The following KLHL12 variants were observed in gnomAD, a reference collection of about 807,000 sequenced individuals.
The protein encoded by KLHL12 is kelch-like protein 12.
KLHL12 carries 17 observed loss-of-function variants against 60.8 expected under a neutral mutation model. The ratio of observed to expected loss-of-function variants is 0.28; its 90% confidence interval spans 0.19 to 0.42. The LOEUF is 0.42. Ranked by LOEUF, KLHL12 falls within the 10% of genes least tolerant of loss-of-function variation. The pLI is 1.00. For synonymous variants in KLHL12, 220 were observed against 250.9 expected, an observed-to-expected ratio of 0.88 and a Z score of 1.16; for missense variants, 468 against 722.3, an observed-to-expected ratio of 0.65 and a Z score of 4.04.
intron 3 of KLHL12, 129 bp from the exon 4 acceptor site, chr1:202,918,517 A>G (rs142856517): frequency 1.4e-6 from 1 of 715,540 alleles, no homozygotes; most frequent in East Asian, 2.6e-5. Context: ...TAAGAAACAG[A>G]TTAGAAATTC....
chr1:202,908,094 C>T (rs901311900), intron 6 of KLHL12, among the ~76,000 whole-genome samples: 3 of 152,106 alleles, frequency 2.0e-5, no homozygotes, highest in African/African-American at 7.2e-5. Context: ...TTTTTATACA[C>T]TATACACCTA....
At chr1:202,919,609 T>C in intron 3 of KLHL12, 146 bp downstream of exon 3, 1 of 667,570 alleles carries the variant, frequency 1.5e-6, no homozygotes, top group Non-Finnish European at 2.4e-6. Flanking sequence ...TGATCTCTTA[T>C]TGCTCAATGA....
In KLHL12 at chr1:202,911,101, T is replaced by TAC; in HGVS notation, c.669_670insGT (p.Met224ValfsTer5). The TAC allele has an allele frequency of 6.2e-7, 1 of 1,614,040 alleles. No individual in the cohort carries two copies. The highest frequency in any genetic ancestry group is 8.5e-7 in the Non-Finnish European group (1 of 1,179,920). On this transcript the variant is annotated frameshift_variant, in exon 5 of 12. Transcript: ENST00000367261. LOFTEE classifies it high-confidence loss of function. ...ATATACCTGGGGGTTAGTAGGGGCA[T>TAC]CCGCACATACTGTAGCAGGTTAGGC...
chr1:202,899,473 A>G (rs953538099), intron 6 of KLHL12, among the ~76,000 whole-genome samples: 12 of 152,120 alleles, frequency 7.9e-5, no homozygotes, highest in African/African-American at 2.9e-4. Context: ...TGTACTTGCC[A>G]AATAAAGTGG....
rs575551138 is a variant in KLHL12 at position 202,901,267 on chromosome 1, T to C, written c.833-4307A>G. 7.9e-5 allele frequency among the ~76,000 whole-genome samples: 12 copies of C among 152,164 alleles called. No homozygotes were observed. In the South Asian group the frequency reaches 2.5e-3, roughly 32 times the overall value. ...TGTTGGTGTGATGTATAAAGGAGTT[T>C]GTTTTGTTCTGTTTAAAAGACAAGG... On this transcript the variant is annotated intron_variant, in intron 6 of 11. Coordinates refer to ENST00000367261, the MANE Select transcript of KLHL12 (RefSeq NM_021633.4).
intron 1 of KLHL12, among the ~76,000 whole-genome samples, chr1:202,926,882 T>G (rs2102467072): frequency 6.6e-6 from 1 of 152,192 alleles, no homozygotes; most frequent in South Asian, 2.1e-4. Context: ...CACCGCCAGG[T>G]GGAGGTATCG....
intron 2 of KLHL12, among the ~76,000 whole-genome samples, chr1:202,922,129 C>T (rs568789703): frequency 6.6e-6 from 1 of 152,248 alleles, no homozygotes; most frequent in African/African-American, 2.4e-5. Context: ...GAAACAATTT[C>T]ACTATGTAAG....
intron 4 of KLHL12, chr1:202,911,708 C>G (rs1481581615): frequency 8.8e-6 from 5 of 567,216 alleles, no homozygotes; most frequent in Non-Finnish European, 1.6e-5. Flanking sequence ...GAAGCAGGAG[C>G]TTCTCTAACA....
At chr1:202,900,360 A>G (rs1182660897) in intron 6 of KLHL12, among the ~76,000 whole-genome samples, 2 of 151,664 alleles carry the variant, frequency 1.3e-5, no homozygotes, top group East Asian at 3.9e-4. Context: ...TTTGGGTAAC[A>G]TGGTGAGACT....
intron 4 of KLHL12, among the ~76,000 whole-genome samples, chr1:202,916,880 G>A (rs1340931929): frequency 6.6e-6 from 1 of 151,778 alleles, no homozygotes; most frequent in Non-Finnish European, 1.5e-5. Flanking sequence ...AGGATGAGGT[G>A]GGAGAGCTGC....
At chr1:202,904,414 TC>T (rs938215466) in intron 6 of KLHL12, among the ~76,000 whole-genome samples, 3 of 152,226 alleles carry the variant, frequency 2.0e-5, no homozygotes, top group African/African-American at 7.2e-5. Context: ...TGTCATTTCT[TC>T]CACTATTTTG....
At chr1:202,897,254 A>C (rs1016015425) in intron 6 of KLHL12, among the ~76,000 whole-genome samples, 6 of 81,044 alleles carry the variant, frequency 7.4e-5, no homozygotes, top group Admixed American at 1.8e-4. Context: ...TTTTTTTTGG[A>C]GACAGAGTTT....
At chr1:202,918,746 C>T (rs1660598264) in intron 3 of KLHL12, among the ~76,000 whole-genome samples, 1 of 152,166 alleles carries the variant, frequency 6.6e-6, no homozygotes, top group Non-Finnish European at 1.5e-5. Context: ...TTCTACTCTA[C>T]ATGAAAACTT....
In KLHL12 at chr1:202,911,249, G is replaced by T. The variant is rs757637307; in HGVS notation, c.568-46C>A. The T allele has an allele frequency of 2.5e-6, 4 of 1,598,748 alleles. No individual in the cohort carries two copies. The South Asian group carries it at 4.4e-5, about 18-fold the overall frequency. On this transcript the variant is annotated intron_variant, in intron 4 of 11. Transcript: ENST00000367261. ...ACCGTGGATCCTACTTTTCCAATTA[G>T]CTCACCATCTCAAAACGTAACCACG...
chr1:202,903,315 C>A (rs1348818032), intron 6 of KLHL12, among the ~76,000 whole-genome samples: 1 of 149,494 alleles, frequency 6.7e-6, no homozygotes. Context: ...CTCTGGTAGG[C>A]AAAAAATTAT....
intron 2 of KLHL12, 142 bp downstream of exon 2, chr1:202,924,826 G>A: frequency 1.1e-6 from 1 of 873,466 alleles, no homozygotes; most frequent in South Asian, 1.8e-5. Context: ...AGTCATCTAA[G>A]TGGTAGATCT....
At chr1:202,925,506 C>T (rs1279345047) in intron 1 of KLHL12, among the ~76,000 whole-genome samples, 1 of 152,148 alleles carries the variant, frequency 6.6e-6, no homozygotes, top group South Asian at 2.1e-4. Flanking sequence ...TAAATCTTGA[C>T]AAGGTTCTTG....
chr1:202,897,243 T>C (rs1659868383), intron 6 of KLHL12, among the ~76,000 whole-genome samples: 1 of 146,544 alleles, frequency 6.8e-6, no homozygotes, highest in Non-Finnish European at 1.5e-5. Flanking sequence ...TTTTTTTTTT[T>C]TTTTTTTTGG....
chr1:202,898,906 T>C (rs563139853), intron 6 of KLHL12, among the ~76,000 whole-genome samples: 1 of 151,208 alleles, frequency 6.6e-6, no homozygotes, highest in Admixed American at 6.6e-5. Context: ...AATTGTGTGA[T>C]TTTAAACAGT....
Sources: allele counts gnomAD v4.1 joint callset (sites outside exome capture counted in the v4.1 genomes callset), GRCh38; gene constraint gnomAD v4.1.1; transcripts MANE v1.5; gene names NCBI Gene and HGNC (gene_info 2026-07-23, HGNC 2026-07-21).